GRIK1: variants seen among roughly 807,000 people sequenced by gnomAD.
GRIK1 encodes the protein glutamate receptor ionotropic, kainate 1.
GRIK1 carries 69 observed loss-of-function variants against 105.7 expected under a neutral mutation model. The observed-to-expected ratio is 0.65, with a 90% CI of 0.54 to 0.80. GRIK1 has a LOEUF of 0.80. Ranked by LOEUF, GRIK1 falls within the 30% of genes least tolerant of loss-of-function variation. The pLI is 0.00. For missense variants in GRIK1, 1,109 were observed against 1,167.3 expected (o/e 0.95, Z 0.73); for synonymous variants, 438 against 431.3 (o/e 1.02, Z -0.19).
intron 7 of GRIK1, among the ~76,000 whole-genome samples, chr21:29,602,920 G>T (rs363457): frequency 0.2 from 30,088 of 151,922 alleles, 3,546 homozygotes; most frequent in African/African-American, 0.34. Context: ...CTTGGAGAAG[G>T]TCAATATTGT....
intron 1 of GRIK1, among the ~76,000 whole-genome samples, chr21:29,777,765 G>T (rs914844684): frequency 1.3e-5 from 2 of 152,098 alleles, no homozygotes; most frequent in East Asian, 3.9e-4. Flanking sequence ...GTGACTGTCG[G>T]ACTAGAGGCT....
chr21:29,886,415 T>G (rs1489790362), intron 1 of GRIK1, among the ~76,000 whole-genome samples: 1 of 152,146 alleles, frequency 6.6e-6, no homozygotes, highest in East Asian at 1.9e-4. Context: ...CACTGCAGTG[T>G]GTTCATTGTG....
intron 7 of GRIK1, among the ~76,000 whole-genome samples, chr21:29,640,356 G>T (rs890059141): frequency 4.6e-5 from 7 of 152,120 alleles, no homozygotes; most frequent in Non-Finnish European, 1.0e-4. Flanking sequence ...CTGAGGCATT[G>T]CTTCTGGTTA....
At chr21:29,603,704 A>G (rs1354066311) in intron 7 of GRIK1, among the ~76,000 whole-genome samples, 2 of 152,220 alleles carry the variant, frequency 1.3e-5, no homozygotes, top group Admixed American at 1.3e-4. Flanking sequence ...AACGAGAGCC[A>G]TGAAATAAGC....
chr21:29,756,213 C>G (rs2065335722), intron 1 of GRIK1, among the ~76,000 whole-genome samples: 2 of 152,166 alleles, frequency 1.3e-5, no homozygotes, highest in Admixed American at 6.5e-5. Context: ...AACCCCGTCT[C>G]TACTAAAAAT....
chr21:29,777,513 A>G (rs2065976134), intron 1 of GRIK1, among the ~76,000 whole-genome samples: 1 of 152,212 alleles, frequency 6.6e-6, no homozygotes, highest in East Asian at 1.9e-4. Flanking sequence ...TGGGGTATGG[A>G]TAACAGCATT....
intron 1 of GRIK1, among the ~76,000 whole-genome samples, chr21:29,751,425 T>C (rs2065198911): frequency 1.3e-5 from 2 of 152,178 alleles, no homozygotes; most frequent in South Asian, 4.1e-4. Context: ...CTGGACCTTT[T>C]TTCCAGATCA....
At chr21:29,792,070 C>T (rs2066433042) in intron 1 of GRIK1, among the ~76,000 whole-genome samples, 1 of 151,666 alleles carries the variant, frequency 6.6e-6, no homozygotes, top group African/African-American at 2.4e-5. Context: ...GGAGTTTAAC[C>T]CATTTGTAAA....
At chr21:29,731,393 C>A (rs190336007) in intron 1 of GRIK1, among the ~76,000 whole-genome samples, 3 of 152,204 alleles carry the variant, frequency 2.0e-5, no homozygotes, top group East Asian at 1.9e-4. Context: ...ACCACATCCA[C>A]CTCTTGGTAG....
At chr21:29,662,521 A>T (rs1042083207) in intron 4 of GRIK1, among the ~76,000 whole-genome samples, 1 of 152,220 alleles carries the variant, frequency 6.6e-6, no homozygotes, top group Admixed American at 6.5e-5. Flanking sequence ...TTGAATTATT[A>T]TCTACCCCAG....
chr21:29,892,898 A>G (rs151230784), intron 1 of GRIK1, among the ~76,000 whole-genome samples: 62 of 152,326 alleles, frequency 4.1e-4, no homozygotes, highest in African/African-American at 1.4e-3. Context: ...ATTTGGCCGG[A>G]CACAGTGGCT....
At chr21:29,619,801 T>C (rs2061945321) in intron 7 of GRIK1, among the ~76,000 whole-genome samples, 1 of 152,194 alleles carries the variant, frequency 6.6e-6, no homozygotes. Context: ...GCATGGATTT[T>C]GGTTTCCCAC....
chr21:29,939,325 C>G (rs1011829373), intron 1 of GRIK1, 58 bp downstream of exon 1: 1 of 1,042,906 alleles, frequency 9.6e-7, no homozygotes, highest in Non-Finnish European at 1.5e-6. Flanking sequence ...CCCGCTACAC[C>G]CGCGTTGGTG....
chr21:29,606,349 C>T (rs933515395), intron 7 of GRIK1, among the ~76,000 whole-genome samples: 5 of 152,040 alleles, frequency 3.3e-5, no homozygotes, highest in Admixed American at 6.6e-5. Context: ...CACAGGTAAA[C>T]GTGTGGTGGT....
At chr21:29,915,389 A>T (rs1179180673) in intron 1 of GRIK1, among the ~76,000 whole-genome samples, 1 of 152,180 alleles carries the variant, frequency 6.6e-6, no homozygotes, top group African/African-American at 2.4e-5. Flanking sequence ...AATTTGATAC[A>T]ACTAAATCAT....
Position 29,598,893 on chromosome 21 carries a change from G to A in GRIK1, c.1143C>T (p.Thr381=). The A allele has an allele frequency of 6.3e-7, 1 of 1,599,556 alleles. No individual in the cohort carries two copies. Among genetic ancestry groups the A allele is most frequent in the Non-Finnish European group, 8.5e-7 (1 of 1,170,024 alleles). ...GLTGHITFNK[T]NGLRKDFDLD... is the part of the protein sequence containing the mutation. ...GATCAAAATCCTTCCTCAAGCCATT[G>A]GTTTTATTAAAGGTGATATGCCCAG... The change falls in exon 8 of 18, where the codon ACC becomes ACT. Residue 381 remains threonine (T), a synonymous_variant. Transcript: ENST00000327783.
At chr21:29,593,118 C>T (rs539216242) in intron 9 of GRIK1, among the ~76,000 whole-genome samples, 190 of 152,272 alleles carry the variant, frequency 1.2e-3, no homozygotes, top group African/African-American at 4.2e-3. Context: ...GTTCACACAT[C>T]AGTGTGAACT....
chr21:29,877,013 T>G lies in GRIK1; in HGVS notation c.118+62370A>C, dbSNP rs139397005. Reference sequence around the variant, plus strand: ...AAACACAAAATGACAGCTCAAAAGATGTATGGTGAAAAGTATACTTTCAAC... The same window carrying G: ...AAACACAAAATGACAGCTCAAAAGAGGTATGGTGAAAAGTATACTTTCAAC... On this transcript the variant is annotated intron_variant, in intron 1 of 17. Coordinates refer to ENST00000327783, the MANE Select transcript of GRIK1 (RefSeq NM_001330994.2). Among the ~76,000 whole-genome samples, 1,105 of 152,276 alleles carry G rather than the reference T, an allele frequency of 7.3e-3. 14 individuals are homozygous for G. The highest frequency in any genetic ancestry group is 0.024 in the African/African-American group (1,002 of 41,558).
intron 12 of GRIK1, among the ~76,000 whole-genome samples, chr21:29,585,608 TG>T (rs2091114204): frequency 6.6e-6 from 1 of 152,258 alleles, no homozygotes; most frequent in Non-Finnish European, 1.5e-5. Flanking sequence ...TGGAAACTAC[TG>T]TTGCCCTGGG....
Sources: gnomAD v4.1 joint callset for allele counts (sites outside exome capture counted in the v4.1 genomes callset) on GRCh38, gnomAD v4.1.1 for gene constraint, MANE v1.5 for transcripts, NCBI Gene and HGNC (gene_info 2026-07-23, HGNC 2026-07-21) for gene names.